The following PXYLP1 variants were observed in gnomAD, a reference collection of about 807,000 sequenced individuals.
PXYLP1 encodes acid phosphatase-like 2.
Under a neutral mutation model 37.9 loss-of-function variants are expected in PXYLP1, and 17 were observed. That is an observed-to-expected ratio of 0.45 (90% CI 0.31 to 0.67). The LOEUF is 0.67. PXYLP1 is among the 30% of genes least tolerant of loss of function. PXYLP1 has a pLI of 0.07. For synonymous variants in PXYLP1, 221 were observed against 232.2 expected (o/e 0.95, Z 0.44); for missense variants, 511 against 612.0 (o/e 0.84, Z 1.74).
At chr3:141,241,682 C>T (rs532500252) in intron 1 of PXYLP1, among the ~76,000 whole-genome samples, 170 of 152,278 alleles carry the variant, frequency 1.1e-3, no homozygotes, top group Non-Finnish European at 2.2e-3. Context: ...GCCATTCACC[C>T]GTCCAACACT....
At position 141,292,895 on chromosome 3, in the gene PXYLP1, A is replaced by C; in HGVS notation, c.1133A>C (p.His378Pro). The change falls in exon 6 of 6, where the codon CAT (histidine) becomes CCT (proline). Residue 378 changes from histidine (H) to proline (P), a missense_variant. His to Pro is a moderately conservative substitution (Grantham distance 77). Transcript: ENST00000286353. This position sits in a 1 kb window ranked among gnomAD's most constrained non-coding sequence, Gnocchi z 4.3. ...KEELFALYSA[H>P]DVTLSPVLSA... ...GAGCTCTTTGCCCTCTACTCTGCTC[A>C]TGATGTCACTCTGTCACCAGTTCTC... The C allele has an allele frequency of 3.7e-6, 6 of 1,614,186 alleles. No individual in the cohort carries two copies. The highest frequency in any genetic ancestry group is 5.1e-6 in the Non-Finnish European group (6 of 1,180,032).
Position 141,293,501 on chromosome 3 carries a change from A to G in PXYLP1, c.*296A>G, listed in dbSNP as rs1942280847. The G allele has an allele frequency of 5.6e-6, 2 of 358,860 alleles. No individual in the cohort carries two copies. The highest frequency in any genetic ancestry group is 1.0e-5 in the Non-Finnish European group (2 of 198,526). 22.2% of individuals were successfully genotyped at this position (358,860 alleles called of 1,614,324 possible). A position where few individuals can be genotyped will look rare whatever the true frequency, so the allele number is the denominator to read the frequency against. ...TTCAAGACCTGAAGTTGCCAATCCA[A>G]GTTTGCACTCTTCTGGCCTGCCCCA... On this transcript the variant is annotated 3_prime_UTR_variant, in exon 6 of 6. Transcript: ENST00000286353.
chr3:141,252,905 A>G (rs1035394990), intron 1 of PXYLP1, among the ~76,000 whole-genome samples: 3 of 152,126 alleles, frequency 2.0e-5, no homozygotes, highest in African/African-American at 7.2e-5. Flanking sequence ...CCTCATGACT[A>G]TTAGATATCC....
At chr3:141,281,497 C>A (rs115768705) in intron 4 of PXYLP1, among the ~76,000 whole-genome samples, 1 of 152,178 alleles carries the variant, frequency 6.6e-6, no homozygotes, top group African/African-American at 2.4e-5. Context: ...CACGGCAGCC[C>A]TCAGTGAATA....
intron 1 of PXYLP1, among the ~76,000 whole-genome samples, chr3:141,255,150 T>G (rs974155396): frequency 2.0e-5 from 3 of 152,270 alleles, no homozygotes; most frequent in Admixed American, 6.5e-5. Context: ...TATTCTAAAA[T>G]CTTTTCTTTC....
rs1006866022 is a variant in PXYLP1, at chr3:141,294,457, A to G, written c.*1252A>G. On this transcript the variant is annotated 3_prime_UTR_variant, in exon 6 of 6. Coordinates refer to ENST00000286353, the MANE Select transcript of PXYLP1 (RefSeq NM_001037172.3). ...TACAGATCTTTATAAGGTGTTTTATATATTAGAAGCAATTATAATTACATC... is the reference window on the plus strand; with the variant it reads ...TACAGATCTTTATAAGGTGTTTTATGTATTAGAAGCAATTATAATTACATC... The G allele has an allele frequency of 6.6e-6, 1 of 152,246 alleles. No homozygotes were observed. The highest frequency in any genetic ancestry group is 6.5e-5 in the Admixed American group (1 of 15,288). The allele number at this position is 152,246 out of a possible 1,614,324, so 9.4% of individuals were successfully genotyped here. A position where few individuals can be genotyped will look rare whatever the true frequency, so the allele number is the denominator to read the frequency against.
intron 2 of PXYLP1, among the ~76,000 whole-genome samples, chr3:141,268,206 A>AGAGAGAGAGAGT (rs1325105026): frequency 1.9e-5 from 1 of 51,304 alleles, no homozygotes; most frequent in Admixed American, 1.9e-4. Flanking sequence ...AGAGAGAGAG[A>AGAGAGAGAGAGT]GTGTGTGTGT....
intron 2 of PXYLP1, among the ~76,000 whole-genome samples, chr3:141,260,989 G>A (rs552205089): frequency 6.6e-6 from 1 of 152,312 alleles, no homozygotes; most frequent in East Asian, 1.9e-4. Flanking sequence ...TGCCAAGAGC[G>A]TTCTCCTCCT....
chr3:141,279,624 TC>T, intron 4 of PXYLP1, 120 bp downstream of exon 4: 1 of 1,272,986 alleles, frequency 7.9e-7, no homozygotes, highest in South Asian at 1.4e-5. Context: ...CTCAGAGCAG[TC>T]CTACATGTGA....
At chr3:141,250,927 A>T (rs1345221137) in intron 1 of PXYLP1, among the ~76,000 whole-genome samples, 1 of 152,252 alleles carries the variant, frequency 6.6e-6, no homozygotes, top group Non-Finnish European at 1.5e-5. Context: ...TTAAGATAAA[A>T]CAAAAACTAA....
chr3:141,262,183 C>T, intron 2 of PXYLP1: 1 of 647,018 alleles, frequency 1.5e-6, no homozygotes, highest in Non-Finnish European at 1.9e-6. Flanking sequence ...CATGTACATG[C>T]ATATGACAGC....
chr3:141,274,297 T>C, intron 2 of PXYLP1: 1 of 1,350,872 alleles, frequency 7.4e-7, no homozygotes, highest in Non-Finnish European at 9.5e-7. Flanking sequence ...TTCCCAGCCT[T>C]CCTCCTGGAG....
chr3:141,274,562 T>G lies in PXYLP1; in HGVS notation c.80-3780T>G, dbSNP rs186619058. The G allele has an allele frequency of 4.7e-4, 504 of 1,077,538 alleles. No homozygotes were observed. The African/African-American group carries it at 7.2e-3, about 15-fold the overall frequency. 66.7% of individuals were successfully genotyped at this position (1,077,538 alleles called of 1,614,324 possible). On this transcript the variant is annotated intron_variant, in intron 2 of 5. Coordinates refer to ENST00000286353, the MANE Select transcript of PXYLP1 (RefSeq NM_001037172.3). ...GTTCGGCAACCCTCAGTGCTCCACA[T>G]GAGGAGTCAATGAGATATTTCATCA...
At position 141,292,838 on chromosome 3, in the gene PXYLP1, G is replaced by A. The variant is rs138707752; in HGVS notation, c.1076G>A (p.Arg359Gln). Reference sequence around the variant, plus strand: ...CCCATCCTGAACCAAACCATCGGCCGGATGCAGCGTGCCACCGAGGGCAGG... The same window carrying A: ...CCCATCCTGAACCAAACCATCGGCCAGATGCAGCGTGCCACCGAGGGCAGG... ...AHPILNQTIGRMQRATEGRKE... is the reference protein window; with the variant it reads ...AHPILNQTIGQMQRATEGRKE... The change falls in exon 6 of 6, where the codon CGG (arginine) becomes CAG (glutamine). Residue 359 changes from arginine (R) to glutamine (Q), a missense_variant. Transcript: ENST00000286353. The surrounding 1 kb of genome is among the most constrained non-coding windows in gnomAD (Gnocchi z 4.3). The A allele has an allele frequency of 4.5e-4, 732 of 1,613,948 alleles. 5 individuals are homozygous for A. Among genetic ancestry groups the A allele is most frequent in the Non-Finnish European group, 8.6e-5 (102 of 1,179,966 alleles).
intron 1 of PXYLP1, among the ~76,000 whole-genome samples, chr3:141,243,394 C>T (rs142800029): frequency 1.6e-4 from 24 of 152,314 alleles, no homozygotes; most frequent in African/African-American, 5.5e-4. Context: ...TTCAGTGGCT[C>T]CCTACTCCTA....
chr3:141,286,795 A>G (rs1366302187), intron 4 of PXYLP1, among the ~76,000 whole-genome samples: 3 of 152,252 alleles, frequency 2.0e-5, no homozygotes, highest in Admixed American at 2.0e-4. Flanking sequence ...ATCAGCAAGA[A>G]GACCAATAAA....
intron 4 of PXYLP1, among the ~76,000 whole-genome samples, chr3:141,280,004 T>G (rs1211191295): frequency 2.0e-5 from 3 of 152,224 alleles, no homozygotes; most frequent in Non-Finnish European, 2.9e-5. Context: ...ATTTCACCCT[T>G]CTAATTTTTC....
chr3:141,278,880 G>A (rs1941873656), intron 3 of PXYLP1, among the ~76,000 whole-genome samples: 1 of 152,256 alleles, frequency 6.6e-6, no homozygotes, highest in African/African-American at 2.4e-5. Context: ...GACTCAGGAT[G>A]TCCACAGGAT....
At chr3:141,270,111 C>T (rs1196499251) in intron 2 of PXYLP1, among the ~76,000 whole-genome samples, 2 of 152,240 alleles carry the variant, frequency 1.3e-5, no homozygotes, top group Non-Finnish European at 2.9e-5. Context: ...TGGAGTTCTC[C>T]GGCTCCCTGA....
Sources: gnomAD v4.1 joint callset for allele counts (sites outside exome capture counted in the v4.1 genomes callset) on GRCh38, gnomAD v4.1.1 for gene constraint, Gnocchi (gnomAD v3.1) non-coding constraint, MANE v1.5 for transcripts, NCBI Gene and HGNC (gene_info 2026-07-23, HGNC 2026-07-21) for gene names.